The following LY6S variants were observed in gnomAD, a reference collection of about 807,000 sequenced individuals.
The protein encoded by LY6S is lymphocyte antigen 6 family member S, also known as lymphocyte antigen 6S.
At chr8:143,043,680 T>TA in the LY6S span, among the ~76,000 whole-genome samples, 47 of 151,722 alleles carry the variant, frequency 3.1e-4, no homozygotes, top group African/African-American at 1.1e-3. Flanking sequence ...TTTTTTTTTT[T>TA]AAATATCTTT....
the LY6S span, chr8:143,042,908 G>C: frequency 1.1e-6 from 1 of 933,098 alleles, no homozygotes; most frequent in East Asian, 5.0e-5. Flanking sequence ...GGGCTGGAGG[G>C]CCTGGGCCCA....
the LY6S span, among the ~76,000 whole-genome samples, chr8:143,068,496 C>T: frequency 6.6e-6 from 1 of 152,116 alleles, no homozygotes; most frequent in African/African-American, 2.4e-5. Flanking sequence ...TTGGAAACTT[C>T]CTGAGGCCTC....
At chr8:143,072,202 T>C in the LY6S span, among the ~76,000 whole-genome samples, 1 of 152,096 alleles carries the variant, frequency 6.6e-6, no homozygotes, top group East Asian at 1.9e-4. Context: ...AAGACAGCCG[T>C]CATTCTGGGG....
At chr8:143,041,359 T>G in the LY6S span, among the ~76,000 whole-genome samples, 1 of 152,252 alleles carries the variant, frequency 6.6e-6, no homozygotes, top group African/African-American at 2.4e-5. Flanking sequence ...TCCTATTTGC[T>G]TTTGAAAGAA....
the LY6S span, chr8:143,042,255 G>A: frequency 2.0e-5 from 3 of 152,604 alleles, no homozygotes; most frequent in African/African-American, 7.3e-5. Context: ...CACCAGGGGA[G>A]ACCAGTCTAA....
the LY6S span, among the ~76,000 whole-genome samples, chr8:143,048,947 A>C: frequency 6.6e-6 from 1 of 152,144 alleles, no homozygotes; most frequent in Non-Finnish European, 1.5e-5. Context: ...ATCGGGCATC[A>C]CCAATGGCCA....
At chr8:143,052,390 G>A in the LY6S span, among the ~76,000 whole-genome samples, 36 of 152,150 alleles carry the variant, frequency 2.4e-4, no homozygotes, top group Non-Finnish European at 3.4e-4. Context: ...AGAGTCACTC[G>A]GGCCTATGAA....
chr8:143,067,782 T>C, the LY6S span, among the ~76,000 whole-genome samples: 2 of 152,366 alleles, frequency 1.3e-5, no homozygotes, highest in South Asian at 4.1e-4. Context: ...TGCCTGGATG[T>C]GCACGTAGGC....
At chr8:143,067,062 T>C in the LY6S span, among the ~76,000 whole-genome samples, 2 of 152,162 alleles carry the variant, frequency 1.3e-5, no homozygotes, top group Non-Finnish European at 2.9e-5. Flanking sequence ...ATCCTCATGA[T>C]AGTGAGTGAG....
At chr8:143,044,651 C>T in the LY6S span, 1 of 1,362,764 alleles carries the variant, frequency 7.3e-7, no homozygotes, top group African/African-American at 1.5e-5. Context: ...CTCCCCAGAA[C>T]CTGCCCTCTG....
chr8:143,058,522 T>A, the LY6S span, among the ~76,000 whole-genome samples: 20,249 of 151,542 alleles, frequency 0.13, 1,144 homozygotes, highest in East Asian at 0.32. Flanking sequence ...ACTACTGCTA[T>A]CTAGAAGGCA....
chr8:143,052,238 A>G, the LY6S span, among the ~76,000 whole-genome samples: 120 of 150,234 alleles, frequency 8.0e-4, no homozygotes, highest in East Asian at 1.2e-3. Context: ...CCGAGATCGC[A>G]CCACTGCACT....
the LY6S span, among the ~76,000 whole-genome samples, chr8:143,070,458 ATATATAAT>A: frequency 2.3e-5 from 1 of 44,000 alleles, no homozygotes; most frequent in African/African-American, 7.4e-5. Flanking sequence ...ATATATATAT[ATATATAAT>A]ATATATATAA....
chr8:143,052,044 A>G, the LY6S span, among the ~76,000 whole-genome samples: 7 of 151,830 alleles, frequency 4.6e-5, no homozygotes, highest in East Asian at 1.9e-4. Flanking sequence ...CACTTTGGGA[A>G]GCTGAGGCGG....
chr8:143,041,820 T>C, the LY6S span, among the ~76,000 whole-genome samples: 1 of 150,810 alleles, frequency 6.6e-6, no homozygotes, highest in Non-Finnish European at 1.5e-5. Context: ...ACAATAGCCG[T>C]CCACCCAGAC....
the LY6S span, among the ~76,000 whole-genome samples, chr8:143,074,288 T>C: frequency 6.6e-6 from 1 of 152,116 alleles, no homozygotes. Context: ...ATCAGTACCA[T>C]ATGGCCCTCT....
chr8:143,064,600 T>C, the LY6S span, among the ~76,000 whole-genome samples: 3 of 152,238 alleles, frequency 2.0e-5, no homozygotes, highest in African/African-American at 4.8e-5. Context: ...CCAATGATAC[T>C]GAACTTGTGT....
chr8:143,065,440 G>T, the LY6S span, among the ~76,000 whole-genome samples: 1 of 152,128 alleles, frequency 6.6e-6, no homozygotes, highest in African/African-American at 2.4e-5. Context: ...TGCCCCCTTT[G>T]CCTGACCTCT....
chr8:143,043,679 T>A, the LY6S span, among the ~76,000 whole-genome samples: 6 of 151,998 alleles, frequency 3.9e-5, no homozygotes, highest in African/African-American at 1.4e-4. Flanking sequence ...TTTTTTTTTT[T>A]TAAATATCTT....
Sources: gnomAD v4.1 joint callset for allele counts (sites outside exome capture counted in the v4.1 genomes callset) on GRCh38, gnomAD v4.1.1 for gene constraint, MANE v1.5 for transcripts, NCBI Gene and HGNC (gene_info 2026-07-23, HGNC 2026-07-21) for gene names.